DIP2B: variants seen among roughly 807,000 people sequenced by gnomAD.
DIP2B encodes the protein disco-interacting protein 2 homolog B.
A neutral mutation model predicts 198.0 loss-of-function variants in DIP2B; 76 were observed. That is an observed-to-expected ratio of 0.38 (90% confidence interval 0.32 to 0.46). DIP2B has a LOEUF of 0.46. Among genes scored for constraint, DIP2B ranks in the 20% least tolerant of loss-of-function variants. The pLI is 0.99. For missense variants in DIP2B, 1,559 were observed against 1,978.4 expected (o/e 0.79, Z 4.02); for synonymous variants, 701 against 739.1 (o/e 0.95, Z 0.84).
Position 50,686,660 on chromosome 12 carries a change from G to A in DIP2B, c.1529G>A (p.Gly510Glu). The change falls in exon 12 of 38, where the codon GGG becomes GAG. Residue 510 changes from glycine (G) to glutamate (E), a missense_variant. By Grantham distance (98) the Gly-to-Glu change is moderately conservative. Transcript: ENST00000301180. ...KDWQPHISPA[G>E]TEPAYIEYKT... is the part of the protein sequence containing the mutation. ...TGGCAGCCACACATCTCACCTGCTG[G>A]GACAGAACCGGCATACATTGAGGTA... 1.2e-6 allele frequency: 2 copies of A among 1,613,848 alleles called. No homozygotes were observed. Among genetic ancestry groups the A allele is most frequent in the Non-Finnish European group, 1.7e-6 (2 of 1,179,948 alleles).
intron 1 of DIP2B, among the ~76,000 whole-genome samples, chr12:50,612,629 A>G (rs933813921): frequency 2.0e-5 from 3 of 152,004 alleles, no homozygotes; most frequent in East Asian, 1.9e-4. Context: ...GGGTTTTACC[A>G]TGTTGACCAG....
intron 8 of DIP2B, 70 bp downstream of exon 8, chr12:50,678,946 C>G (rs750193399): frequency 6.5e-7 from 1 of 1,543,010 alleles, no homozygotes; most frequent in Admixed American, 1.8e-5. Flanking sequence ...GTGTTTTTAT[C>G]TAGATACTTA....
At chr12:50,637,200 G>A (rs957439374) in intron 2 of DIP2B, among the ~76,000 whole-genome samples, 1 of 152,154 alleles carries the variant, frequency 6.6e-6, no homozygotes, top group Non-Finnish European at 1.5e-5. Context: ...TGGTGCTGTT[G>A]TGAAGACATA....
chr12:50,538,806 T>A (rs1337032952), intron 1 of DIP2B, among the ~76,000 whole-genome samples: 1 of 152,192 alleles, frequency 6.6e-6, no homozygotes, highest in Non-Finnish European at 1.5e-5. Flanking sequence ...CTAGAGGTGC[T>A]GTTGAATACT....
At chr12:50,509,351 C>T (rs926058929) in intron 1 of DIP2B, among the ~76,000 whole-genome samples, 4 of 152,166 alleles carry the variant, frequency 2.6e-5, no homozygotes, top group South Asian at 2.1e-4. Context: ...ATAAGTGCAA[C>T]GCGAAGAATG....
At chr12:50,703,049 C>T (rs551800600) in intron 19 of DIP2B, among the ~76,000 whole-genome samples, 1 of 151,910 alleles carries the variant, frequency 6.6e-6, no homozygotes, top group African/African-American at 2.4e-5. Flanking sequence ...TGTAGCGAGA[C>T]CCATCTCTAC....
rs1938625510 is a variant in DIP2B, at chr12:50,660,454, G to A, written c.427+135G>A. The A allele has an allele frequency of 2.9e-6, 3 of 1,016,980 alleles. No homozygotes were observed. In the African/African-American group the frequency reaches 4.9e-5, roughly 17 times the overall value. The allele number at this position is 1,016,980 out of a possible 1,614,324, so 63.0% of individuals were successfully genotyped here. On this transcript the variant is annotated intron_variant, in intron 4 of 37. Coordinates refer to ENST00000301180, the MANE Select transcript of DIP2B (RefSeq NM_173602.3). ...AGAGGAATGTAAGAGAACACTCTGAGGTGGCAGATTTTGCTTGTCATCTCG... is the reference window on the plus strand; with the variant it reads ...AGAGGAATGTAAGAGAACACTCTGAAGTGGCAGATTTTGCTTGTCATCTCG...
At chr12:50,743,079 AC>A (rs1240204988) in intron 37 of DIP2B, among the ~76,000 whole-genome samples, 2 of 151,940 alleles carry the variant, frequency 1.3e-5, no homozygotes, top group African/African-American at 4.8e-5. Flanking sequence ...ATTTTTAATT[AC>A]TGGAATTTGG....
chr12:50,548,445 G>A (rs1385608991), intron 1 of DIP2B, among the ~76,000 whole-genome samples: 2 of 152,198 alleles, frequency 1.3e-5, no homozygotes, highest in Non-Finnish European at 2.9e-5. Context: ...AAAATACAGA[G>A]TAACTGCAGT....
chr12:50,693,077 A>G, intron 14 of DIP2B, 64 bp downstream of exon 14: 5 of 1,456,492 alleles, frequency 3.4e-6, no homozygotes, highest in Middle Eastern at 1.8e-4. Flanking sequence ...AGCATGTTGT[A>G]TAACTGGAGC....
intron 1 of DIP2B, among the ~76,000 whole-genome samples, chr12:50,609,793 C>G (rs1959016182): frequency 6.6e-6 from 1 of 152,160 alleles, no homozygotes; most frequent in South Asian, 2.1e-4. Context: ...CTTCAAATCC[C>G]TTGGCACACA....
intron 1 of DIP2B, among the ~76,000 whole-genome samples, chr12:50,547,554 T>G (rs1385699886): frequency 6.6e-6 from 1 of 152,216 alleles, no homozygotes; most frequent in Non-Finnish European, 1.5e-5. Flanking sequence ...ATTCTTACTA[T>G]TCTTCCGTTA....
Position 50,684,749 on chromosome 12 carries a change from G to A in DIP2B, c.1318-1084G>A, listed in dbSNP as rs186557850. ...GGAGTTTGCAGTGAGTCAAGATTGC[G>A]CCACTGTATACCAGCCTGACAAAGT... On this transcript the variant is annotated intron_variant, in intron 10 of 37. Coordinates refer to ENST00000301180, the MANE Select transcript of DIP2B (RefSeq NM_173602.3). Among the ~76,000 whole-genome samples the A allele has an allele frequency of 4.4e-3, 674 of 152,074 alleles. 2 individuals are homozygous for A. Among genetic ancestry groups the A allele is most frequent in the Non-Finnish European group, 6.7e-3 (454 of 68,004 alleles).
Position 50,745,817 on chromosome 12 carries a change from T to A in DIP2B, c.*978T>A, listed in dbSNP as rs1373197027. The A allele has an allele frequency of 6.6e-6, 1 of 152,336 alleles. No homozygotes were observed. Among genetic ancestry groups the A allele is most frequent in the African/African-American group, 2.4e-5 (1 of 41,456 alleles). 9.4% of individuals were successfully genotyped at this position (152,336 alleles called of 1,614,324 possible). A position where few individuals can be genotyped will look rare whatever the true frequency, so the allele number is the denominator to read the frequency against. On this transcript the variant is annotated 3_prime_UTR_variant, in exon 38 of 38. Transcript: ENST00000301180. ...AACGATCTTTCAGATTTAGAGTGACTATGTAAGAATTTAGGATTTCCTCTT... is the reference window on the plus strand; with the variant it reads ...AACGATCTTTCAGATTTAGAGTGACAATGTAAGAATTTAGGATTTCCTCTT...
At chr12:50,508,132 G>C (rs1432659095) in intron 1 of DIP2B, among the ~76,000 whole-genome samples, 1 of 152,178 alleles carries the variant, frequency 6.6e-6, no homozygotes. Flanking sequence ...GGTGCTTCAG[G>C]CAGGTCACCA....
At position 50,520,740 on chromosome 12, in the gene DIP2B, C is replaced by T. The variant is rs7958835; in HGVS notation, c.100+15500C>T. Among the ~76,000 whole-genome samples the T allele has an allele frequency of 7.1e-3, 1,083 of 152,272 alleles. 16 individuals carry two copies. The highest frequency in any genetic ancestry group is 0.025 in the African/African-American group (1,042 of 41,550). The stretch of plus-strand genomic sequence containing the variant: ...TATTTGCATAAATATTCTCATCTCC[C>T]CTAAGTAAGCTGCATGAGGACAGCA... On this transcript the variant is annotated intron_variant, in intron 1 of 37. Transcript: ENST00000301180.
At chr12:50,505,861 GT>G (rs201041397) in intron 1 of DIP2B, among the ~76,000 whole-genome samples, 129 of 147,968 alleles carry the variant, frequency 8.7e-4, no homozygotes, top group African/African-American at 2.8e-3. Flanking sequence ...GTCATAAGAA[GT>G]TTTTTTTTTT....
At chr12:50,713,803 G>GTGACT in intron 22 of DIP2B, among the ~76,000 whole-genome samples, 1 of 151,890 alleles carries the variant, frequency 6.6e-6, no homozygotes, top group Non-Finnish European at 1.5e-5. Flanking sequence ...GCTGGGCATG[G>GTGACT]TATGACAGTA....
intron 34 of DIP2B, among the ~76,000 whole-genome samples, chr12:50,735,725 A>G (rs1829587653): frequency 6.6e-6 from 1 of 152,068 alleles, no homozygotes. Context: ...CGGCCTCCCA[A>G]AGTGCTGGGA....
Sources: gnomAD v4.1 joint callset for allele counts (sites outside exome capture counted in the v4.1 genomes callset) on GRCh38, gnomAD v4.1.1 for gene constraint, MANE v1.5 for transcripts, NCBI Gene and HGNC (gene_info 2026-07-23, HGNC 2026-07-21) for gene names.